STX8: variants seen among roughly 807,000 people sequenced by gnomAD.
STX8 encodes syntaxin 8.
Under a neutral mutation model 37.5 loss-of-function variants are expected in STX8, and 23 were observed. The observed-to-expected ratio is 0.61, with a 90% CI of 0.44 to 0.87. STX8 has a LOEUF of 0.87. Ranked by LOEUF, STX8 falls within the 40% of genes least tolerant of loss-of-function variation. The probability of loss-of-function intolerance (pLI) is 0.00; values close to 1 mark genes in which losing one functional copy is unlikely to be tolerated. For missense variants in STX8, 313 were observed against 284.7 expected (o/e 1.10, Z -0.71); for synonymous variants, 115 against 99.1 (o/e 1.16, Z -0.95).
chr17:9,537,678 C>T (rs1255145579), intron 4 of STX8, among the ~76,000 whole-genome samples: 1 of 152,176 alleles, frequency 6.6e-6, no homozygotes, highest in African/African-American at 2.4e-5. Context: ...TGCATGAAGA[C>T]GCTCATTCAT....
chr17:9,357,352 C>T (rs1476154351), intron 7 of STX8, among the ~76,000 whole-genome samples: 1 of 152,042 alleles, frequency 6.6e-6, no homozygotes, highest in East Asian at 1.9e-4. Flanking sequence ...TCCTGATTGG[C>T]TCCCAACTGA....
At chr17:9,495,356 TA>T (rs1437944680) in intron 5 of STX8, among the ~76,000 whole-genome samples, 1 of 152,180 alleles carries the variant, frequency 6.6e-6, no homozygotes, top group African/African-American at 2.4e-5. Context: ...ACTGATGTTA[TA>T]GTAAAATTCT....
At chr17:9,360,650 T>A (rs977322260) in intron 7 of STX8, among the ~76,000 whole-genome samples, 5 of 133,496 alleles carry the variant, frequency 3.7e-5, no homozygotes, top group East Asian at 4.5e-4. Flanking sequence ...AGAAAAAAAA[T>A]ATTTATTAGT....
intron 6 of STX8, among the ~76,000 whole-genome samples, chr17:9,462,562 A>G (rs1424570625): frequency 6.6e-6 from 1 of 152,096 alleles, no homozygotes; most frequent in Non-Finnish European, 1.5e-5. Context: ...TCTCTACTAA[A>G]AGTACAAAAA....
intron 6 of STX8, among the ~76,000 whole-genome samples, chr17:9,447,666 A>G (rs1597678329): frequency 1.3e-5 from 2 of 151,762 alleles, no homozygotes; most frequent in East Asian, 3.9e-4. Context: ...CAAGTGATCC[A>G]CCAGCCTCAG....
chr17:9,429,920 A>G (rs1263820724), intron 6 of STX8, among the ~76,000 whole-genome samples: 1 of 8,302 alleles, frequency 1.2e-4, no homozygotes, highest in South Asian at 4.4e-3. Context: ...TATATATAAT[A>G]TATATAATAT....
At chr17:9,253,921 G>A (rs116714150) in intron 7 of STX8, among the ~76,000 whole-genome samples, 5 of 152,274 alleles carry the variant, frequency 3.3e-5, no homozygotes, top group African/African-American at 7.2e-5. Flanking sequence ...CACCCGGAGC[G>A]TGAGGTCCAA....
intron 7 of STX8, among the ~76,000 whole-genome samples, chr17:9,347,800 C>A (rs1228958836): frequency 6.6e-6 from 1 of 152,212 alleles, no homozygotes; most frequent in African/African-American, 2.4e-5. Flanking sequence ...CCATTTCTCC[C>A]AACTCCCCAG....
chr17:9,364,570 G>T (rs2142263915), intron 7 of STX8, among the ~76,000 whole-genome samples: 1 of 151,920 alleles, frequency 6.6e-6, no homozygotes, highest in East Asian at 1.9e-4. Flanking sequence ...TGCTCTTGTT[G>T]CCCAGGCTGG....
intron 4 of STX8, among the ~76,000 whole-genome samples, chr17:9,539,328 C>T (rs533798505): frequency 1.4e-3 from 218 of 152,090 alleles, no homozygotes; most frequent in African/African-American, 5.1e-3. Flanking sequence ...AGGAAAAGAG[C>T]GTTGTGCAAA....
At chr17:9,453,768 C>T (rs1905112865) in intron 6 of STX8, among the ~76,000 whole-genome samples, 1 of 152,176 alleles carries the variant, frequency 6.6e-6, no homozygotes, top group African/African-American at 2.4e-5. Flanking sequence ...GCTGGGATTA[C>T]AGGTGTGAGC....
chr17:9,413,444 C>T (rs142837457), intron 6 of STX8, among the ~76,000 whole-genome samples: 135 of 152,224 alleles, frequency 8.9e-4, no homozygotes, highest in African/African-American at 2.4e-3. Context: ...CAGCTGTGAA[C>T]GTAAAGGAGA....
In STX8 at chr17:9,297,180, T is replaced by C. The variant is rs139680040; in HGVS notation, c.644-46535A>G. ...ATTAAACTGCAATCTTAACTTGATG[T>C]AGAGATGTTCAAACCTTGTATCATT... On this transcript the variant is annotated intron_variant, in intron 7 of 7. Coordinates refer to ENST00000306357, the MANE Select transcript of STX8 (RefSeq NM_004853.3). Among the ~76,000 whole-genome samples the C allele has an allele frequency of 1.9e-3, 274 of 147,784 alleles. 2 individuals are homozygous for C. The highest frequency in any genetic ancestry group is 6.1e-3 in the African/African-American group (242 of 39,726).
chr17:9,489,474 A>G (rs972240127), intron 6 of STX8, among the ~76,000 whole-genome samples: 1 of 152,142 alleles, frequency 6.6e-6, no homozygotes, highest in African/African-American at 2.4e-5. Context: ...ATGGGAACTT[A>G]GTAAATCATC....
At chr17:9,422,873 T>A (rs1318058569) in intron 6 of STX8, among the ~76,000 whole-genome samples, 1 of 152,236 alleles carries the variant, frequency 6.6e-6, no homozygotes. Flanking sequence ...ACTGAAGCGC[T>A]GTTTAGGGAA....
chr17:9,296,018 G>A (rs1048669515), intron 7 of STX8, among the ~76,000 whole-genome samples: 42 of 151,998 alleles, frequency 2.8e-4, no homozygotes, highest in African/African-American at 9.7e-4. Flanking sequence ...GTGAAACCCT[G>A]CCTCTGCTAA....
intron 6 of STX8, among the ~76,000 whole-genome samples, chr17:9,411,740 G>C (rs549944547): frequency 3.3e-5 from 5 of 152,296 alleles, no homozygotes; most frequent in African/African-American, 1.2e-4. Context: ...GCAAACTTGG[G>C]TGTACAAGAT....
intron 7 of STX8, among the ~76,000 whole-genome samples, chr17:9,281,861 G>C (rs1279850380): frequency 6.6e-6 from 1 of 152,206 alleles, no homozygotes; most frequent in Non-Finnish European, 1.5e-5. Context: ...TTGAACCTGG[G>C]AAGTGGAGGT....
At chr17:9,334,538 T>A (rs764428567) in intron 7 of STX8, among the ~76,000 whole-genome samples, 4 of 150,832 alleles carry the variant, frequency 2.7e-5, no homozygotes, top group African/African-American at 9.7e-5. Flanking sequence ...GTCTCAGTCA[T>A]AATTTTGCAA....
Sources: allele counts gnomAD v4.1 joint callset (sites outside exome capture counted in the v4.1 genomes callset), GRCh38; gene constraint gnomAD v4.1.1; transcripts MANE v1.5; gene names NCBI Gene and HGNC (gene_info 2026-07-23, HGNC 2026-07-21).